Variants in ENOX1 observed in about 807,000 individuals in gnomAD.
ENOX1 encodes candidate growth-related and time keeping constitutive hydroquinone (NADH) oxidase.
A neutral mutation model predicts 82.5 loss-of-function variants in ENOX1; 42 were observed. That is an observed-to-expected ratio of 0.51 (90% CI 0.40 to 0.66). The LOEUF (loss-of-function observed/expected upper bound fraction) is 0.66. Among genes scored for constraint, ENOX1 ranks in the 30% least tolerant of loss-of-function variants. The pLI is 0.00. For missense variants in ENOX1, 608 were observed against 811.6 expected (o/e 0.75, Z 3.05); for synonymous variants, 271 against 282.2 (o/e 0.96, Z 0.40).
intron 3 of ENOX1, among the ~76,000 whole-genome samples, chr13:43,458,744 G>C (rs9533491): frequency 0.46 from 69,416 of 151,472 alleles, 16,246 homozygotes; most frequent in Non-Finnish European, 0.5. Context: ...CAAGTGTTCA[G>C]GACAAAGAGT....
intron 11 of ENOX1, among the ~76,000 whole-genome samples, chr13:43,301,143 C>T (rs1221801124): frequency 1.3e-5 from 2 of 152,230 alleles, no homozygotes; most frequent in Non-Finnish European, 2.9e-5. Context: ...TTCAAAGACA[C>T]TTAAGTCATT....
chr13:43,641,529 A>ATTTTTTTTTTTTTTTT (rs769737189), intron 2 of ENOX1, among the ~76,000 whole-genome samples: 10 of 83,094 alleles, frequency 1.2e-4, no homozygotes, highest in East Asian at 4.3e-4. Context: ...TTAATTTTTA[A>ATTTTTTTTTTTTTTTT]TTTTTTTTTT....
intron 1 of ENOX1, among the ~76,000 whole-genome samples, chr13:43,676,911 A>C (rs2085537955): frequency 6.6e-6 from 1 of 151,986 alleles, no homozygotes; most frequent in Non-Finnish European, 1.5e-5. Flanking sequence ...TCTTGCCAAT[A>C]CTTTCACAAA....
At chr13:43,470,374 ATACATATATATACGTATATATATG>A (rs2058000354) in intron 3 of ENOX1, among the ~76,000 whole-genome samples, 4 of 33,618 alleles carry the variant, frequency 1.2e-4, no homozygotes, top group Non-Finnish European at 2.5e-4. Flanking sequence ...ACGTATATAT[ATACATATATATACGTATATATATG>A]TGTATATATA....
chr13:43,476,272 A>G (rs2058280989), intron 3 of ENOX1, among the ~76,000 whole-genome samples: 1 of 152,182 alleles, frequency 6.6e-6, no homozygotes, highest in Admixed American at 6.6e-5. Flanking sequence ...ACAAATATGT[A>G]TTCACTTGAG....
intron 1 of ENOX1, among the ~76,000 whole-genome samples, chr13:43,695,678 C>T (rs1239362150): frequency 6.6e-6 from 1 of 152,086 alleles, no homozygotes; most frequent in Non-Finnish European, 1.5e-5. Flanking sequence ...GAACTCCTGA[C>T]CTCAGATGAT....
intron 2 of ENOX1, chr13:43,547,580 G>C (rs1279303741): frequency 1.3e-5 from 2 of 152,054 alleles, no homozygotes; most frequent in Admixed American, 6.5e-5. Context: ...ACATATAAAG[G>C]GGCAATTTTG....
rs769549424 is a variant in ENOX1, at chr13:43,412,883, G to A, written c.32C>T (p.Thr11Ile). 3 of 1,614,052 alleles carry A rather than the reference G, an allele frequency of 1.9e-6. No individual in the cohort carries two copies. The highest frequency in any genetic ancestry group is 1.3e-5 in the African/African-American group (1 of 75,028). ...CTGAGGAAGCTCCTGGGGAAGCTGG[G>A]TGATGTTCTCAACTCCACCTGCATC... Reference protein sequence around the residue: MVDAGGVENITQLPQELPQMM... With the variant: MVDAGGVENIIQLPQELPQMM... The change falls in exon 4 of 17, where the codon ACC becomes ATC. Residue 11 changes from threonine to isoleucine, a missense_variant. By Grantham distance (89) the Thr-to-Ile change is moderately conservative. Coordinates refer to ENST00000690772, the MANE Select transcript of ENOX1 (RefSeq NM_001347969.2).
At chr13:43,369,450 C>A (rs748596346) in intron 5 of ENOX1, among the ~76,000 whole-genome samples, 1 of 152,148 alleles carries the variant, frequency 6.6e-6, no homozygotes, top group African/African-American at 2.4e-5. Context: ...AAGTAATGGT[C>A]ATGTTTACTC....
intron 12 of ENOX1, among the ~76,000 whole-genome samples, chr13:43,285,273 AT>A (rs1292022639): frequency 3.9e-5 from 6 of 152,216 alleles, no homozygotes; most frequent in African/African-American, 2.4e-5. Flanking sequence ...ATTGGCCAGT[AT>A]TTAAAAATGA....
At chr13:43,423,949 G>C (rs2055133507) in intron 3 of ENOX1, among the ~76,000 whole-genome samples, 1 of 152,190 alleles carries the variant, frequency 6.6e-6, no homozygotes, top group Admixed American at 6.5e-5. Context: ...AAATGGCAAA[G>C]CTATGGACTC....
intron 1 of ENOX1, among the ~76,000 whole-genome samples, chr13:43,700,154 G>A (rs2086837880): frequency 6.6e-6 from 1 of 152,002 alleles, no homozygotes; most frequent in Non-Finnish European, 1.5e-5. Flanking sequence ...TCATAAACGA[G>A]TTTGAGTTTC....
At chr13:43,643,252 G>A (rs930030039) in intron 2 of ENOX1, among the ~76,000 whole-genome samples, 1 of 152,094 alleles carries the variant, frequency 6.6e-6, no homozygotes, top group South Asian at 2.1e-4. Flanking sequence ...TTCCCCCACC[G>A]TCTACCTCCT....
At chr13:43,452,960 T>C (rs566919373) in intron 3 of ENOX1, among the ~76,000 whole-genome samples, 1 of 152,338 alleles carries the variant, frequency 6.6e-6, no homozygotes, top group South Asian at 2.1e-4. Context: ...TGAATGGTTA[T>C]AAAAGAGACT....
chr13:43,389,733 C>T (rs1199754458), intron 5 of ENOX1, among the ~76,000 whole-genome samples: 1 of 152,104 alleles, frequency 6.6e-6, no homozygotes, highest in African/African-American at 2.4e-5. Flanking sequence ...AGTTCATATG[C>T]CTGAAAAATC....
At chr13:43,650,885 TA>T (rs760088529) in intron 2 of ENOX1, among the ~76,000 whole-genome samples, 1 of 152,182 alleles carries the variant, frequency 6.6e-6, no homozygotes, top group Non-Finnish European at 1.5e-5. Flanking sequence ...TGGTCCACGT[TA>T]ACAGACTTCT....
intron 1 of ENOX1, among the ~76,000 whole-genome samples, chr13:43,753,671 T>C (rs1950439470): frequency 6.6e-6 from 1 of 152,150 alleles, no homozygotes; most frequent in South Asian, 2.1e-4. Flanking sequence ...ATCCTCAGCA[T>C]TTATATTTCT....
intron 1 of ENOX1, among the ~76,000 whole-genome samples, chr13:43,755,969 C>T (rs1202623458): frequency 2.0e-5 from 3 of 152,208 alleles, no homozygotes; most frequent in Non-Finnish European, 4.4e-5. Context: ...AACTAAAAAT[C>T]AGAACACCAT....
chr13:43,483,767 A>G (rs1374345450), intron 3 of ENOX1, among the ~76,000 whole-genome samples: 1 of 152,184 alleles, frequency 6.6e-6, no homozygotes, highest in Non-Finnish European at 1.5e-5. Context: ...ATTTGTTTTA[A>G]GTCAATGTGG....
Sources: allele counts gnomAD v4.1 joint callset (sites outside exome capture counted in the v4.1 genomes callset), GRCh38; gene constraint gnomAD v4.1.1; transcripts MANE v1.5; gene names NCBI Gene and HGNC (gene_info 2026-07-23, HGNC 2026-07-21).